The following WDFY2 variants were observed in gnomAD, a reference collection of about 807,000 sequenced individuals.
WDFY2 encodes WD repeat and FYVE domain containing 2.
A neutral mutation model predicts 56.4 loss-of-function variants in WDFY2; 36 were observed. The ratio of observed to expected loss-of-function variants is 0.64; its 90% CI spans 0.49 to 0.84. The LOEUF is 0.84. Among genes scored for constraint, WDFY2 ranks in the 40% least tolerant of loss-of-function variants. The pLI is 0.00. For synonymous variants in WDFY2, 176 were observed against 183.7 expected (o/e 0.96, Z 0.34); for missense variants, 444 against 512.2 (o/e 0.87, Z 1.29).
chr13:51,670,841 C>G (rs1955795448), intron 2 of WDFY2, among the ~76,000 whole-genome samples: 1 of 152,008 alleles, frequency 6.6e-6, no homozygotes, highest in Non-Finnish European at 1.5e-5. Flanking sequence ...ACCAGTGTAC[C>G]CAGTGTGTAG....
chr13:51,737,249 G>A (rs1030655597), intron 6 of WDFY2, among the ~76,000 whole-genome samples: 1 of 152,254 alleles, frequency 6.6e-6, no homozygotes, highest in Non-Finnish European at 1.5e-5. Context: ...GTACTGTTTT[G>A]TGTGCTTATA....
rs1465574574 is a variant in WDFY2 at position 51,755,472 on chromosome 13, G to A, written c.933+13G>A. On this transcript the variant is annotated intron_variant, in intron 9 of 11. Coordinates refer to ENST00000298125, the MANE Select transcript of WDFY2 (RefSeq NM_052950.4). The stretch of plus-strand genomic sequence containing the variant: ...TGGTCTAAGACAGGTGAGTGATATG[G>A]ATGCTTCATCAAAATGTAATTATAT... 1 of 1,608,562 alleles carries A rather than the reference G, an allele frequency of 6.2e-7. No homozygotes were observed. Among genetic ancestry groups the A allele is most frequent in the Admixed American group, 1.7e-5 (1 of 60,020 alleles).
At chr13:51,624,963 G>A (rs1954812968) in intron 1 of WDFY2, among the ~76,000 whole-genome samples, 1 of 152,216 alleles carries the variant, frequency 6.6e-6, no homozygotes, top group Non-Finnish European at 1.5e-5. Context: ...TGTAGGCCAC[G>A]GTGAAGATTT....
At chr13:51,709,753 A>C (rs1407815689) in intron 4 of WDFY2, among the ~76,000 whole-genome samples, 1 of 152,214 alleles carries the variant, frequency 6.6e-6, no homozygotes, top group Non-Finnish European at 1.5e-5. Flanking sequence ...TGAATCCCTG[A>C]ATAGACCAAT....
intron 1 of WDFY2, among the ~76,000 whole-genome samples, chr13:51,636,176 T>G (rs112613988): frequency 0.011 from 1,728 of 152,354 alleles, 21 homozygotes; most frequent in Non-Finnish European, 0.017. Context: ...TTGTTCATTT[T>G]CAGGTCAATG....
chr13:51,663,422 A>G (rs1955648356), intron 2 of WDFY2, among the ~76,000 whole-genome samples: 2 of 152,174 alleles, frequency 1.3e-5, no homozygotes, highest in South Asian at 2.1e-4. Context: ...TATGGTCAAG[A>G]TGATTTCTCT....
intron 4 of WDFY2, among the ~76,000 whole-genome samples, chr13:51,716,157 G>T (rs1448358466): frequency 1.3e-5 from 2 of 152,176 alleles, no homozygotes; most frequent in Admixed American, 1.3e-4. Flanking sequence ...TTTATATGAA[G>T]TGTCAGGAAT....
intron 1 of WDFY2, among the ~76,000 whole-genome samples, chr13:51,603,829 T>A (rs1326972967): frequency 1.3e-5 from 2 of 152,186 alleles, no homozygotes; most frequent in Non-Finnish European, 2.9e-5. Flanking sequence ...AGCTTTATTA[T>A]TAGGGGTTGC....
chr13:51,735,479 T>C (rs547095450), intron 6 of WDFY2, among the ~76,000 whole-genome samples: 1 of 152,234 alleles, frequency 6.6e-6, no homozygotes, highest in East Asian at 1.9e-4. Context: ...AAAAAGTTAC[T>C]TGGGTGATAA....
rs1004424244 is a variant in WDFY2, at chr13:51,681,912, G to A, written c.279+6669G>A. 2.0e-5 allele frequency among the ~76,000 whole-genome samples: 3 copies of A among 152,244 alleles called. No individual in the cohort carries two copies. The South Asian group carries it at 6.2e-4, about 32-fold the overall frequency. On this transcript the variant is annotated intron_variant, in intron 3 of 11. Transcript: ENST00000298125. ...CCTTCTCCCTCAGTTATGTCATTGC[G>A]CGTGTAGCCCTGTCATCTTTTGCTC...
At position 51,667,879 on chromosome 13, in the gene WDFY2, C is replaced by CTTTTTTTTTTTT. The variant is rs66771214; in HGVS notation, c.205+7235_205+7246dup. ...GAAGAAAAAGGTACCTGAGGAACTTCTTTTTTTTTTTTTTTTTTTTTTTTT... is the reference window on the plus strand; with the variant it reads ...GAAGAAAAAGGTACCTGAGGAACTTCTTTTTTTTTTTTTTTTTTTTTTTTTTTTTTTTTTTTT... On this transcript the variant is annotated intron_variant, in intron 2 of 11. Transcript: ENST00000298125. 2.8e-3 allele frequency among the ~76,000 whole-genome samples: 141 copies of CTTTTTTTTTTTT among 50,054 alleles called. 25 individuals are homozygous for CTTTTTTTTTTTT. The highest frequency in any genetic ancestry group is 6.3e-3 in the African/African-American group (63 of 10,028). 32.8% of individuals were successfully genotyped at this position (50,054 alleles called of 152,430 possible).
At position 51,763,203 on chromosome 13, in the gene WDFY2, A is replaced by ATGAG. The variant is rs1384512612; in HGVS notation, c.*3437_*3440dup. 2 of 152,200 alleles carry ATGAG rather than the reference A, an allele frequency of 1.3e-5. No individual in the cohort carries two copies. The highest frequency in any genetic ancestry group is 4.8e-5 in the African/African-American group (2 of 41,460). The allele number at this position is 152,200 out of a possible 1,614,324, so 9.4% of individuals were successfully genotyped here. ...TTTTTGAACATTACTTAGTAATGGCATGAGTGGGAGGAGAGACTTTCAGCA... is the reference window on the plus strand; with the variant it reads ...TTTTTGAACATTACTTAGTAATGGCATGAGTGAGTGGGAGGAGAGACTTTCAGCA... On this transcript the variant is annotated 3_prime_UTR_variant, in exon 12 of 12. Coordinates refer to ENST00000298125, the MANE Select transcript of WDFY2 (RefSeq NM_052950.4).
At chr13:51,733,258 A>T (rs1019064832) in intron 6 of WDFY2, among the ~76,000 whole-genome samples, 1 of 152,144 alleles carries the variant, frequency 6.6e-6, no homozygotes, top group Non-Finnish European at 1.5e-5. Flanking sequence ...GCTGGTCTTG[A>T]ACTCCTGACT....
chr13:51,665,039 C>A (rs903842053), intron 2 of WDFY2, among the ~76,000 whole-genome samples: 3 of 152,100 alleles, frequency 2.0e-5, no homozygotes, highest in Non-Finnish European at 2.9e-5. Flanking sequence ...ACATGAATAC[C>A]AACCATCATG....
intron 1 of WDFY2, among the ~76,000 whole-genome samples, chr13:51,631,663 T>C (rs575021357): frequency 6.6e-6 from 1 of 152,318 alleles, no homozygotes; most frequent in Non-Finnish European, 1.5e-5. Context: ...CAACTTACAA[T>C]GTTGAAAGCA....
chr13:51,603,562 C>T (rs1310575215), intron 1 of WDFY2, among the ~76,000 whole-genome samples: 4 of 152,182 alleles, frequency 2.6e-5, no homozygotes, highest in Admixed American at 2.6e-4. Context: ...GTTTTCTTTA[C>T]ATTCTAATGT....
chr13:51,655,729 ATTG>A (rs1461371950), intron 1 of WDFY2, among the ~76,000 whole-genome samples: 3 of 151,966 alleles, frequency 2.0e-5, no homozygotes, highest in African/African-American at 7.2e-5. Context: ...TTTGAATAGG[ATTG>A]TTGTTCATTC....
chr13:51,707,722 G>A (rs1682087793), intron 4 of WDFY2, among the ~76,000 whole-genome samples: 2 of 151,806 alleles, frequency 1.3e-5, no homozygotes, highest in Admixed American at 6.6e-5. Flanking sequence ...TTCATATGTT[G>A]TATGAATCTC....
intron 1 of WDFY2, among the ~76,000 whole-genome samples, chr13:51,615,632 C>T (rs1954596274): frequency 6.6e-6 from 1 of 152,276 alleles, no homozygotes; most frequent in East Asian, 1.9e-4. Context: ...GTGGAATAAG[C>T]TGAAATGTCC....
Sources: gnomAD v4.1 joint callset for allele counts (sites outside exome capture counted in the v4.1 genomes callset) on GRCh38, gnomAD v4.1.1 for gene constraint, MANE v1.5 for transcripts, NCBI Gene and HGNC (gene_info 2026-07-23, HGNC 2026-07-21) for gene names.